The following PDPR variants were observed in gnomAD, a reference collection of about 807,000 sequenced individuals.
PDPR encodes pyruvate dehydrogenase phosphatase regulatory subunit, also known as pyruvate dehydrogenase phosphatase regulatory subunit, mitochondrial.
PDPR carries 50 observed loss-of-function variants against 102.2 expected under a neutral mutation model. The ratio of observed to expected loss-of-function variants is 0.49; its 90% confidence interval spans 0.39 to 0.62. The LOEUF (loss-of-function observed/expected upper bound fraction) is 0.62. PDPR is among the 20% of genes least tolerant of loss of function. PDPR has a pLI of 0.00. For missense variants in PDPR, 625 were observed against 1,098.2 expected (o/e 0.57, Z 6.09); for synonymous variants, 259 against 406.0 (o/e 0.64, Z 4.35).
intron 18 of PDPR, among the ~76,000 whole-genome samples, chr16:70,155,329 TG>T (rs1427731963): frequency 6.6e-6 from 1 of 152,278 alleles, no homozygotes; most frequent in Non-Finnish European, 1.5e-5. Context: ...TTGTCCAGGC[TG>T]GAGTGCAGTG....
Position 70,143,678 on chromosome 16 carries a change from C to G in PDPR, c.1754+20C>G. 6.2e-7 allele frequency: 1 copy of G among 1,611,828 alleles called. No individual in the cohort carries two copies. The highest frequency in any genetic ancestry group is 8.5e-7 in the Non-Finnish European group (1 of 1,178,572). The stretch of plus-strand genomic sequence containing the variant: ...GCGCAGGTGAGATGAGCTGCCGTCC[C>G]GCTCTGCTCCCTCCAACATGTTGAT... On this transcript the variant is annotated intron_variant, in intron 14 of 18. Coordinates refer to ENST00000288050, the MANE Select transcript of PDPR (RefSeq NM_017990.5).
chr16:70,148,537 T>C lies in PDPR; in HGVS notation c.2036T>C (p.Leu679Pro). 6.2e-7 allele frequency: 1 copy of C among 1,612,566 alleles called. No individual in the cohort carries two copies. The highest frequency in any genetic ancestry group is 8.5e-7 in the Non-Finnish European group (1 of 1,178,942). Residue 679 changes from leucine to proline, a missense_variant, in exon 17 of 19, where the codon CTC becomes CCC. By Grantham distance (98) the Leu-to-Pro change is moderately conservative. Around this residue, in one of 11 missense-constraint regions of PDPR, gnomAD observed 36 missense variants for 62.8 expected, o/e 0.57. Transcript: ENST00000288050. Reference sequence around the variant, plus strand: ...CACACAGGAGAGCCAGGATTCATGCTCTACATCCCCATAGAGGTGAGAGGG... The same window carrying C: ...CACACAGGAGAGCCAGGATTCATGCCCTACATCCCCATAGAGGTGAGAGGG... ...MTHTGEPGFM[L>P]YIPIEYALHV... is the part of the protein sequence containing the mutation.
chr16:70,142,021 A>T (rs1439961734), intron 11 of PDPR, among the ~76,000 whole-genome samples: 43 of 152,238 alleles, frequency 2.8e-4, no homozygotes, highest in African/African-American at 9.2e-4. Context: ...AATCGCTTAA[A>T]CCCAGGAGGC....
intron 9 of PDPR, among the ~76,000 whole-genome samples, chr16:70,135,120 G>C (rs1313367440): frequency 1.3e-5 from 2 of 152,226 alleles, no homozygotes; most frequent in South Asian, 2.1e-4. Context: ...CCATTATCCA[G>C]CTCTGGTCTG....
In PDPR at chr16:70,159,520, TC is replaced by T. The variant is rs1967579213; in HGVS notation, c.*2643del. On this transcript the variant is annotated 3_prime_UTR_variant, in exon 19 of 19. Transcript: ENST00000288050. Reference sequence around the variant, plus strand: ...CTTTAGAGTTGATCCTTGAAGTCTCTCCTGGTTCATTCAAATACAAGCTGTG... The same window carrying T: ...CTTTAGAGTTGATCCTTGAAGTCTCTCTGGTTCATTCAAATACAAGCTGTG... The T allele has an allele frequency of 6.5e-6, 1 of 152,770 alleles. No homozygotes were observed. The highest frequency in any genetic ancestry group is 6.5e-5 in the Admixed American group (1 of 15,288). 9.5% of individuals were successfully genotyped at this position (152,770 alleles called of 1,614,324 possible).
rs976708064 is a variant in PDPR at position 70,161,759 on chromosome 16, G to A, written c.*4880G>A. ...CCATGAAACATGAAGAGTTGTTTAT[G>A]GTTCTTGACTTCTCTGAGCAGAGTG... On this transcript the variant is annotated 3_prime_UTR_variant, in exon 19 of 19. Coordinates refer to ENST00000288050, the MANE Select transcript of PDPR (RefSeq NM_017990.5). The A allele has an allele frequency of 9.2e-5, 14 of 152,466 alleles. No individual in the cohort carries two copies. The highest frequency in any genetic ancestry group is 1.8e-4 in the Non-Finnish European group (12 of 68,146). The allele number at this position is 152,466 out of a possible 1,614,324, so 9.4% of individuals were successfully genotyped here. A position where few individuals can be genotyped will look rare whatever the true frequency, so the allele number is the denominator to read the frequency against.
In PDPR at chr16:70,162,193, C is replaced by A. The variant is rs1465309393; in HGVS notation, c.*5314C>A. On this transcript the variant is annotated 3_prime_UTR_variant, in exon 19 of 19. Transcript: ENST00000288050. ...AAGGGTGTTCTAGCAGCTCAGTTAA[C>A]ACTTTACTCTCCAGTCAACACTTGG... 6.6e-6 allele frequency: 1 copy of A among 152,536 alleles called. No individual in the cohort carries two copies. The highest frequency in any genetic ancestry group is 1.5e-5 in the Non-Finnish European group (1 of 68,208). 9.4% of individuals were successfully genotyped at this position (152,536 alleles called of 1,614,324 possible). A position where few individuals can be genotyped will look rare whatever the true frequency, so the allele number is the denominator to read the frequency against.
chr16:70,132,056 T>C, intron 8 of PDPR, 95 bp from the exon 9 acceptor site: 1 of 1,566,496 alleles, frequency 6.4e-7, no homozygotes, highest in Non-Finnish European at 8.7e-7. Context: ...AATGGGTGTT[T>C]TTGTTTGGTT....
chr16:70,128,359 C>T (rs1399415341), intron 4 of PDPR, among the ~76,000 whole-genome samples: 1 of 152,238 alleles, frequency 6.6e-6, no homozygotes, highest in African/African-American at 2.4e-5. Context: ...TTCCCGGTAG[C>T]TGGGATTACA....
At chr16:70,117,579 A>G (rs1962775728) in intron 2 of PDPR, among the ~76,000 whole-genome samples, 1 of 152,086 alleles carries the variant, frequency 6.6e-6, no homozygotes, top group South Asian at 2.1e-4. Flanking sequence ...TATTTGGGGG[A>G]GAGGTGGCAG....
intron 16 of PDPR, 30 bp downstream of exon 16, chr16:70,146,258 A>G: frequency 6.2e-7 from 1 of 1,613,448 alleles, no homozygotes; most frequent in Non-Finnish European, 8.5e-7. Flanking sequence ...TGTTTCTTAA[A>G]TGGGCAGAGA....
At chr16:70,154,030 T>C (rs1352628176) in intron 18 of PDPR, among the ~76,000 whole-genome samples, 4 of 152,206 alleles carry the variant, frequency 2.6e-5, no homozygotes, top group East Asian at 3.9e-4. Flanking sequence ...ATACAAAAAA[T>C]TAGCCGGGTG....
In PDPR at chr16:70,131,737, G is replaced by A. The variant is rs1184170473; in HGVS notation, c.847+318G>A. 9 of 985,286 alleles carry A rather than the reference G, an allele frequency of 9.1e-6. No individual in the cohort carries two copies. In the African/African-American group the frequency reaches 1.4e-4, roughly 15 times the overall value. The allele number at this position is 985,286 out of a possible 1,614,324, so 61.0% of individuals were successfully genotyped here. On this transcript the variant is annotated intron_variant, in intron 8 of 18. Transcript: ENST00000288050. ...TGCTATGGATAGTAGAAATGTCATA[G>A]GTAAACAATAGACTTAGGTGGGTTC...
At chr16:70,117,236 C>T (rs1206562258) in intron 2 of PDPR, among the ~76,000 whole-genome samples, 1 of 122,434 alleles carries the variant, frequency 8.2e-6, no homozygotes, top group Non-Finnish European at 1.8e-5. Context: ...AATTATTTGC[C>T]GGTCACAGTG....
At chr16:70,153,597 C>T (rs1468710921) in intron 18 of PDPR, 24 bp downstream of exon 18, 3 of 1,572,264 alleles carry the variant, frequency 1.9e-6, no homozygotes, top group Non-Finnish European at 1.7e-6. Flanking sequence ...CCAGACTCCA[C>T]TTTCACTCAG....
Position 70,159,769 on chromosome 16 carries a change from A to C in PDPR, c.*2890A>C, listed in dbSNP as rs547439589. 6.5e-6 allele frequency: 1 copy of C among 152,702 alleles called. No individual in the cohort carries two copies. Among genetic ancestry groups the C allele is most frequent in the East Asian group, 1.9e-4 (1 of 5,216 alleles). 9.5% of individuals were successfully genotyped at this position (152,702 alleles called of 1,614,324 possible). ...AGAGGCAGTGGCCTCTTGAGTGAAC[A>C]GGGGAGGCCAGTAGATGCCCCAGAT... On this transcript the variant is annotated 3_prime_UTR_variant, in exon 19 of 19. Transcript: ENST00000288050.
At chr16:70,150,865 G>C in intron 17 of PDPR, among the ~76,000 whole-genome samples, 1 of 152,222 alleles carries the variant, frequency 6.6e-6, no homozygotes, top group Non-Finnish European at 1.5e-5. Flanking sequence ...CTGTAGCCTT[G>C]AACTTCTGGG....
chr16:70,120,552 G>C lies in PDPR; in HGVS notation c.60G>C (p.Gln20His). 6.2e-7 allele frequency: 1 copy of C among 1,614,048 alleles called. No individual in the cohort carries two copies. Among genetic ancestry groups the C allele is most frequent in the African/African-American group, 1.3e-5 (1 of 75,066 alleles). ...VGRQRASPGW[Q>H]NWSSARNSTS... ...GACAAAGAGCCAGCCCAGGATGGCA[G>C]AACTGGTCCTCTGCAAGAAACAGCA... Residue 20 changes from glutamine to histidine, a missense_variant, in exon 3 of 19, where the codon CAG (glutamine) becomes CAC (histidine). Physicochemically the swap from Gln to His is conservative, Grantham distance 24 (BLOSUM62 0). Transcript: ENST00000288050.
Position 70,153,536 on chromosome 16 carries a change from TGGAATGTGGACGAGAGTCTC to T in PDPR, c.2201_2220del (p.Glu734GlyfsTer25). Reference sequence around the variant, plus strand: ...GATATAAATAACCTCACCACGCCCCTGGAATGTGGACGAGAGTCTCGGGTGAAATTAGAGAAGGTACTGTG... The same window carrying T: ...GATATAAATAACCTCACCACGCCCCTGGGTGAAATTAGAGAAGGTACTGTG... On this transcript the variant is annotated frameshift_variant, in exon 18 of 19. Coordinates refer to ENST00000288050, the MANE Select transcript of PDPR (RefSeq NM_017990.5). LOFTEE classifies it high-confidence loss of function. The T allele has an allele frequency of 6.2e-7, 1 of 1,610,790 alleles. No homozygotes were observed. Among genetic ancestry groups the T allele is most frequent in the Admixed American group, 1.7e-5 (1 of 59,040 alleles).
Sources: allele counts gnomAD v4.1 joint callset (sites outside exome capture counted in the v4.1 genomes callset), GRCh38; gene constraint gnomAD v4.1.1; regional missense constraint gnomAD v4.1.1; transcripts MANE v1.5; gene names NCBI Gene and HGNC (gene_info 2026-07-23, HGNC 2026-07-21).